PCTP: variants seen among roughly 807,000 people sequenced by gnomAD.
The protein encoded by PCTP is START domain-containing protein 2.
Under a neutral mutation model 31.0 loss-of-function variants are expected in PCTP, and 27 were observed. The observed-to-expected ratio is 0.87, with a 90% CI of 0.64 to 1.20. PCTP has a LOEUF of 1.20. Among genes scored for constraint, PCTP ranks in the 50% most tolerant of loss-of-function variants. The probability of loss-of-function intolerance (pLI) is 0.00; values close to 1 mark genes in which losing one functional copy is unlikely to be tolerated. For missense variants in PCTP, 287 were observed against 268.2 expected (o/e 1.07, Z -0.49); for synonymous variants, 108 against 101.2 (o/e 1.07, Z -0.40).
In PCTP at chr17:55,776,978, A is replaced by G. The variant is rs1197644651; in HGVS notation, c.*878A>G. On this transcript the variant is annotated 3_prime_UTR_variant, in exon 6 of 6. Coordinates refer to ENST00000268896, the MANE Select transcript of PCTP (RefSeq NM_021213.4). ...TGAAAAAGTATCTTTCTATGCAATA[A>G]GATGAATTTTCCTCCCAGAATATTT... is the stretch of plus-strand genomic sequence containing the variant. 48 of 985,652 alleles carry G rather than the reference A, an allele frequency of 4.9e-5. No individual in the cohort carries two copies. Among genetic ancestry groups the G allele is most frequent in the Non-Finnish European group, 5.7e-5 (47 of 830,082 alleles). 61.1% of individuals were successfully genotyped at this position (985,652 alleles called of 1,614,324 possible).
intron 3 of PCTP, among the ~76,000 whole-genome samples, chr17:55,800,819 C>CT (rs959012666): frequency 9.2e-5 from 14 of 151,466 alleles, no homozygotes; most frequent in Admixed American, 2.0e-4. Context: ...GTGTGGACAT[C>CT]TTTTTTTTTA....
chr17:55,778,868 A>G (rs1045344138), downstream of PCTP, among the ~76,000 whole-genome samples: 5 of 152,232 alleles, frequency 3.3e-5, no homozygotes, highest in African/African-American at 1.2e-4. Flanking sequence ...ATAACAATTC[A>G]AAGTTAATGA....
chr17:55,825,464 CA>C (rs367627475), downstream of PCTP, among the ~76,000 whole-genome samples: 125 of 152,286 alleles, frequency 8.2e-4, 3 homozygotes, highest in South Asian at 0.025. Flanking sequence ...ACCTGGCTGC[CA>C]GGGGAAGGTA....
intron 3 of PCTP, among the ~76,000 whole-genome samples, chr17:55,818,760 C>T (rs916694500): frequency 2.0e-5 from 3 of 151,924 alleles, no homozygotes; most frequent in East Asian, 1.9e-4. Context: ...AAAAGAGATC[C>T]GAACCATGAA....
chr17:55,800,338 GGT>G (rs775015179), intron 3 of PCTP, among the ~76,000 whole-genome samples: 5 of 151,512 alleles, frequency 3.3e-5, no homozygotes, highest in Non-Finnish European at 1.5e-5. Flanking sequence ...TTCAATCTCT[GGT>G]ATCCTTTCTT....
At chr17:55,768,909 A>C (rs1243853831) in intron 2 of PCTP, 1 of 152,254 alleles carries the variant, frequency 6.6e-6, no homozygotes, top group Non-Finnish European at 1.5e-5. Flanking sequence ...CCTTTAGTCA[A>C]GACTCTTGGT....
In PCTP at chr17:55,822,903, T is replaced by C. The variant is rs774230688; in HGVS notation, c.*19T>C. ...GACATGAGAAAAGAAGCTGAGTCTTTGTTGAAACACTGAAATGGGTGCAGG... is the reference window on the plus strand; with the variant it reads ...GACATGAGAAAAGAAGCTGAGTCTTCGTTGAAACACTGAAATGGGTGCAGG... On this transcript the variant is annotated 3_prime_UTR_variant, in exon 4 of 4. Transcript: ENST00000572536. 6.1e-5 allele frequency: 60 copies of C among 976,246 alleles called. No homozygotes were observed. In the Middle Eastern group the frequency reaches 1.1e-3, roughly 18 times the overall value. The allele number at this position is 976,246 out of a possible 1,614,324, so 60.5% of individuals were successfully genotyped here. A position where few individuals can be genotyped will look rare whatever the true frequency, so the allele number is the denominator to read the frequency against.
intron 5 of PCTP, among the ~76,000 whole-genome samples, chr17:55,837,595 C>T (rs968637402): frequency 9.9e-5 from 15 of 152,246 alleles, no homozygotes; most frequent in African/African-American, 3.6e-4. Flanking sequence ...TTTCGTAATC[C>T]AGAATCCTCA....
intron 3 of PCTP, among the ~76,000 whole-genome samples, chr17:55,820,465 G>C (rs1168369952): frequency 1.3e-5 from 2 of 152,090 alleles, no homozygotes; most frequent in Non-Finnish European, 2.9e-5. Context: ...ATGATAGAAG[G>C]GATGAAAGGG....
chr17:55,823,463 C>T (rs1905298948), downstream of PCTP, among the ~76,000 whole-genome samples: 1 of 152,206 alleles, frequency 6.6e-6, no homozygotes, highest in African/African-American at 2.4e-5. Flanking sequence ...AAAATGGCAG[C>T]AAAGCTTCCG....
At chr17:55,796,995 T>C (rs1423727557) in intron 3 of PCTP, among the ~76,000 whole-genome samples, 1 of 151,958 alleles carries the variant, frequency 6.6e-6, no homozygotes, top group African/African-American at 2.4e-5. Flanking sequence ...ATAATATTAC[T>C]GAAGGAGAAG....
chr17:55,802,125 A>G (rs1475247380), intron 3 of PCTP, among the ~76,000 whole-genome samples: 2 of 152,244 alleles, frequency 1.3e-5, no homozygotes, highest in Non-Finnish European at 2.9e-5. Flanking sequence ...GAAGAAATGG[A>G]TGAATTCCTG....
At chr17:55,835,257 A>G (rs1255232753) in intron 5 of PCTP, among the ~76,000 whole-genome samples, 1 of 152,180 alleles carries the variant, frequency 6.6e-6, no homozygotes, top group Non-Finnish European at 1.5e-5. Flanking sequence ...CCAAGCCACC[A>G]GTTCATGGGA....
intron 5 of PCTP, among the ~76,000 whole-genome samples, chr17:55,830,939 G>A (rs932695989): frequency 1.3e-5 from 2 of 152,148 alleles, no homozygotes; most frequent in Non-Finnish European, 2.9e-5. Flanking sequence ...GAAAACATGA[G>A]GTCAAAACTG....
At chr17:55,845,735 C>T (rs147578961), downstream of PCTP, among the ~76,000 whole-genome samples, 1 of 152,096 alleles carries the variant, frequency 6.6e-6, no homozygotes, top group East Asian at 1.9e-4. Flanking sequence ...CCCGGGACCC[C>T]GGGCGTGTGA....
Position 55,771,147 on chromosome 17 carries a change from T to A in PCTP, c.301T>A (p.Trp101Arg). Residue 101 changes from tryptophan (W) to arginine (R), a missense_variant, in exon 3 of 6, where the codon TGG (tryptophan) becomes AGG (arginine). Coordinates refer to ENST00000268896, the MANE Select transcript of PCTP (RefSeq NM_021213.4). Reference sequence around the variant, plus strand: ...ATGCAACGGAGAGACTGTGGTCTACTGGGAAGTGAAGTACCCTTTTCCCAT... The same window carrying A: ...ATGCAACGGAGAGACTGTGGTCTACAGGGAAGTGAAGTACCCTTTTCCCAT... ...QECNGETVVY[W>R]EVKYPFPMSN... The A allele has an allele frequency of 5.0e-6, 8 of 1,613,536 alleles. No homozygotes were observed. Among genetic ancestry groups the A allele is most frequent in the Non-Finnish European group, 6.8e-6 (8 of 1,179,420 alleles).
At chr17:55,781,784 C>A (rs761377758), downstream of PCTP, among the ~76,000 whole-genome samples, 13 of 152,144 alleles carry the variant, frequency 8.5e-5, no homozygotes, top group Non-Finnish European at 1.6e-4. Flanking sequence ...ACGGGTTACT[C>A]CATATAGCCT....
intron 5 of PCTP, among the ~76,000 whole-genome samples, chr17:55,829,297 G>T (rs1245667562): frequency 3.3e-5 from 5 of 151,916 alleles, no homozygotes; most frequent in Non-Finnish European, 7.4e-5. Context: ...AGTCTAAACT[G>T]TGTGATTTTT....
Position 55,775,622 on chromosome 17 carries a change from C to T in PCTP, c.580-413C>T, listed in dbSNP as rs147479881. 520 of 1,194,984 alleles carry T rather than the reference C, an allele frequency of 4.4e-4. 4 individuals are homozygous for T. The highest frequency in any genetic ancestry group is 4.7e-4 in the Non-Finnish European group (456 of 963,692). 74.0% of individuals were successfully genotyped at this position (1,194,984 alleles called of 1,614,324 possible). A position where few individuals can be genotyped will look rare whatever the true frequency, so the allele number is the denominator to read the frequency against. On this transcript the variant is annotated intron_variant, in intron 5 of 5. Coordinates refer to ENST00000268896, the MANE Select transcript of PCTP (RefSeq NM_021213.4). Reference sequence around the variant, plus strand: ...AGGAAAAGTCTTGCCCAGTGCTCAACATTAACTAAATAATAATATATCCTG... The same window carrying T: ...AGGAAAAGTCTTGCCCAGTGCTCAATATTAACTAAATAATAATATATCCTG...
Sources: allele counts gnomAD v4.1 joint callset (sites outside exome capture counted in the v4.1 genomes callset), GRCh38; gene constraint gnomAD v4.1.1; transcripts MANE v1.5; gene names NCBI Gene and HGNC (gene_info 2026-07-23, HGNC 2026-07-21).